Variants in TSPAN18 observed in about 807,000 individuals in gnomAD.
TSPAN18 encodes tetraspanin 18.
A neutral mutation model predicts 27.3 loss-of-function variants in TSPAN18; 14 were observed. That is an observed-to-expected ratio of 0.51 (90% CI 0.34 to 0.80). The LOEUF (loss-of-function observed/expected upper bound fraction) is 0.80. TSPAN18 is among the 30% of genes least tolerant of loss of function. The pLI is 0.01. For synonymous variants in TSPAN18, 143 were observed against 136.5 expected (o/e 1.05, Z -0.33); for missense variants, 268 against 323.9 (o/e 0.83, Z 1.32).
intron 2 of TSPAN18, among the ~76,000 whole-genome samples, chr11:44,790,194 T>TGC (rs1856164255): frequency 2.0e-5 from 3 of 150,746 alleles, no homozygotes; most frequent in African/African-American, 2.4e-5. Flanking sequence ...TATGTGTGTG[T>TGC]GCATGTGTCT....
chr11:44,745,831 T>C (rs1193324680), intron 1 of TSPAN18, among the ~76,000 whole-genome samples: 3 of 152,130 alleles, frequency 2.0e-5, no homozygotes, highest in African/African-American at 7.2e-5. Context: ...ATCGAGACCC[T>C]CCTGGCTAAC....
At chr11:44,792,947 C>CAAA (rs1565151809) in intron 2 of TSPAN18, among the ~76,000 whole-genome samples, 1 of 152,082 alleles carries the variant, frequency 6.6e-6, no homozygotes, top group Non-Finnish European at 1.5e-5. Flanking sequence ...CAAGGCGTCT[C>CAAA]GTGTGACTCA....
At chr11:44,812,386 C>T (rs1361690498) in intron 2 of TSPAN18, among the ~76,000 whole-genome samples, 1 of 152,194 alleles carries the variant, frequency 6.6e-6, no homozygotes, top group Non-Finnish European at 1.5e-5. Context: ...CCTTTCCCTC[C>T]TTCCTTCCTG....
chr11:44,731,323 T>C (rs919631936), intron 1 of TSPAN18, among the ~76,000 whole-genome samples: 2 of 152,182 alleles, frequency 1.3e-5, no homozygotes, highest in African/African-American at 4.8e-5. Context: ...CTGTTAGCTT[T>C]ATCATAACTT....
intron 3 of TSPAN18, among the ~76,000 whole-genome samples, chr11:44,894,792 C>A (rs995499511): frequency 6.6e-6 from 1 of 152,230 alleles, no homozygotes; most frequent in African/African-American, 2.4e-5. Context: ...GGCCTCTGTG[C>A]CTCGCTGCCT....
chr11:44,862,935 C>T (rs1857936306), intron 3 of TSPAN18, among the ~76,000 whole-genome samples: 1 of 152,158 alleles, frequency 6.6e-6, no homozygotes, highest in Non-Finnish European at 1.5e-5. Context: ...CAGACCTGCT[C>T]CTGGAGTGTG....
chr11:44,916,683 G>A (rs1191093474), intron 5 of TSPAN18, among the ~76,000 whole-genome samples: 2 of 152,188 alleles, frequency 1.3e-5, no homozygotes, highest in South Asian at 2.1e-4. Flanking sequence ...GAGGTGTCCT[G>A]ACTTGAAGCC....
At position 44,929,295 on chromosome 11, in the gene TSPAN18, A is replaced by T. The variant is rs1444443800; in HGVS notation, c.*117A>T. 8 of 1,295,260 alleles carry T rather than the reference A, an allele frequency of 6.2e-6. No individual in the cohort carries two copies. Among genetic ancestry groups the T allele is most frequent in the Non-Finnish European group, 8.7e-6 (8 of 916,996 alleles). 80.2% of individuals were successfully genotyped at this position (1,295,260 alleles called of 1,614,324 possible). A position where few individuals can be genotyped will look rare whatever the true frequency, so the allele number is the denominator to read the frequency against. On this transcript the variant is annotated 3_prime_UTR_variant, in exon 10 of 10. Coordinates refer to ENST00000520358, the MANE Select transcript of TSPAN18 (RefSeq NM_130783.5). ...CCAGGGGAGAAGATGAGGCCATCAGAGATGGCCAGGAGAAGGGCCAGGGGA... is the reference window on the plus strand; with the variant it reads ...CCAGGGGAGAAGATGAGGCCATCAGTGATGGCCAGGAGAAGGGCCAGGGGA...
At chr11:44,861,031 C>T (rs1034841787) in intron 3 of TSPAN18, among the ~76,000 whole-genome samples, 1 of 151,958 alleles carries the variant, frequency 6.6e-6, no homozygotes, top group African/African-American at 2.4e-5. Context: ...ATATTTGGGG[C>T]CTATTTATTG....
intron 3 of TSPAN18, among the ~76,000 whole-genome samples, chr11:44,871,507 C>T (rs1858195417): frequency 6.6e-6 from 1 of 152,196 alleles, no homozygotes; most frequent in South Asian, 2.1e-4. Flanking sequence ...CCCCACACAT[C>T]ACCAGTAAGT....
intron 3 of TSPAN18, among the ~76,000 whole-genome samples, chr11:44,861,467 G>A (rs1590595903): frequency 7.0e-6 from 1 of 143,760 alleles, no homozygotes; most frequent in Non-Finnish European, 1.5e-5. Flanking sequence ...GGGGGCGGTC[G>A]GTGCTGGGCG....
intron 3 of TSPAN18, among the ~76,000 whole-genome samples, chr11:44,899,312 C>T (rs1465388387): frequency 6.6e-6 from 1 of 152,246 alleles, no homozygotes; most frequent in Non-Finnish European, 1.5e-5. Flanking sequence ...ACAAGGTCCC[C>T]ACCTGGGGGT....
At chr11:44,901,346 A>G (rs1859256562) in intron 3 of TSPAN18, 1 of 152,358 alleles carries the variant, frequency 6.6e-6, no homozygotes, top group Middle Eastern at 3.4e-3. Context: ...CACAATAAAT[A>G]CAGGTAGTCC....
intron 2 of TSPAN18, among the ~76,000 whole-genome samples, chr11:44,781,264 G>A (rs1220424295): frequency 1.3e-5 from 2 of 152,252 alleles, no homozygotes; most frequent in Non-Finnish European, 2.9e-5. Flanking sequence ...ATCACCCAGT[G>A]TCCAGCATGA....
At chr11:44,766,285 G>A (rs1360526058) in intron 2 of TSPAN18, among the ~76,000 whole-genome samples, 1 of 152,200 alleles carries the variant, frequency 6.6e-6, no homozygotes, top group Non-Finnish European at 1.5e-5. Context: ...CAGTGTGGGA[G>A]GAGAAGTGAG....
intron 2 of TSPAN18, among the ~76,000 whole-genome samples, chr11:44,774,736 C>T (rs533801372): frequency 3.8e-4 from 58 of 152,244 alleles, no homozygotes; most frequent in African/African-American, 1.3e-3. Flanking sequence ...TCCCTGAGTT[C>T]GAAGGACTCA....
chr11:44,805,028 T>G (rs901214332), intron 2 of TSPAN18, among the ~76,000 whole-genome samples: 2 of 152,194 alleles, frequency 1.3e-5, no homozygotes, highest in African/African-American at 4.8e-5. Context: ...GCAGGGCAGC[T>G]GTGGCCGCCC....
At chr11:44,808,368 T>C (rs1293194898) in intron 2 of TSPAN18, among the ~76,000 whole-genome samples, 1 of 151,208 alleles carries the variant, frequency 6.6e-6, no homozygotes, top group East Asian at 1.9e-4. Context: ...ACAGACCTAG[T>C]ACAGGAGGGA....
At chr11:44,919,165 G>T in intron 6 of TSPAN18, 49 bp from the exon 7 acceptor site, 3 of 1,456,758 alleles carry the variant, frequency 2.1e-6, no homozygotes, top group Non-Finnish European at 2.9e-6. Context: ...GAGGGTGGGG[G>T]CTGCACCCAA....
Sources: gnomAD v4.1 joint callset for allele counts (sites outside exome capture counted in the v4.1 genomes callset) on GRCh38, gnomAD v4.1.1 for gene constraint, MANE v1.5 for transcripts, NCBI Gene and HGNC (gene_info 2026-07-23, HGNC 2026-07-21) for gene names.